Variants in NBEA observed in about 807,000 individuals in gnomAD.
NBEA encodes the protein lysosomal-trafficking regulator 2.
Under a neutral mutation model 343.4 loss-of-function variants are expected in NBEA, and 44 were observed. The observed-to-expected ratio is 0.13, with a 90% CI of 0.10 to 0.16. The LOEUF (loss-of-function observed/expected upper bound fraction) is 0.16. Among genes scored for constraint, NBEA ranks in the 10% least tolerant of loss-of-function variants. The probability of loss-of-function intolerance (pLI) is 1.00; values close to 1 mark genes in which losing one functional copy is unlikely to be tolerated. For missense variants in NBEA, 2,555 were observed against 3,631.3 expected (o/e 0.70, Z 7.62); for synonymous variants, 1,175 against 1,238.7 (o/e 0.95, Z 1.08).
intron 39 of NBEA, among the ~76,000 whole-genome samples, chr13:35,442,351 C>A (rs1051361656): frequency 2.5e-4 from 38 of 152,004 alleles, no homozygotes; most frequent in African/African-American, 8.7e-4. Context: ...GTAAAATGTG[C>A]CCTGCGATTT....
At chr13:35,331,742 T>G (rs1002206547) in intron 36 of NBEA, among the ~76,000 whole-genome samples, 3 of 152,048 alleles carry the variant, frequency 2.0e-5, no homozygotes, top group Non-Finnish European at 2.9e-5. Flanking sequence ...TTCTTTTTTC[T>G]GGTATTCATG....
At chr13:35,409,476 G>C (rs1261755754) in intron 38 of NBEA, among the ~76,000 whole-genome samples, 1 of 151,908 alleles carries the variant, frequency 6.6e-6, no homozygotes, top group African/African-American at 2.4e-5. Flanking sequence ...ACCTGCACAA[G>C]TACCCCTGAA....
chr13:35,059,891 A>T (rs1397355843), intron 8 of NBEA, among the ~76,000 whole-genome samples: 1 of 151,780 alleles, frequency 6.6e-6, no homozygotes, highest in Non-Finnish European at 1.5e-5. Flanking sequence ...TCAAGGTAAC[A>T]ATACTTGCTA....
At chr13:35,155,940 A>C (rs914435007) in intron 19 of NBEA, 85 bp downstream of exon 19, 32 of 1,499,438 alleles carry the variant, frequency 2.1e-5, no homozygotes, top group Non-Finnish European at 5.5e-6. Context: ...TAACCCCTTA[A>C]ATCATTATGG....
At chr13:35,160,609 A>C (rs1454281816) in intron 22 of NBEA, among the ~76,000 whole-genome samples, 1 of 152,160 alleles carries the variant, frequency 6.6e-6, no homozygotes, top group African/African-American at 2.4e-5. Context: ...AATATGGCTG[A>C]GAAAAATTAG....
intron 38 of NBEA, among the ~76,000 whole-genome samples, chr13:35,370,097 G>A (rs887750054): frequency 7.9e-5 from 12 of 151,864 alleles, no homozygotes; most frequent in Middle Eastern, 3.2e-3. Flanking sequence ...TTAATTTTCT[G>A]TCTAGATGAT....
At chr13:35,173,344 A>T in intron 26 of NBEA, 120 bp from the exon 27 acceptor site, 2 of 844,422 alleles carry the variant, frequency 2.4e-6, no homozygotes, top group Non-Finnish European at 3.4e-6. Context: ...AGTTGATTTT[A>T]AGATTAATAG....
rs752662674 is a variant in NBEA at position 35,171,358 on chromosome 13, T to G, written c.4329T>G (p.Asp1443Glu). The G allele has an allele frequency of 3.2e-5, 51 of 1,612,060 alleles. No homozygotes were observed. The highest frequency in any genetic ancestry group is 4.3e-5 in the Non-Finnish European group (51 of 1,178,500). The part of the protein sequence containing the change: ...TFLSRLMAMV[D>E]VLVFASSLNF... The stretch of plus-strand genomic sequence containing the variant: ...TCAGCCGGCTGATGGCTATGGTTGA[T>G]GTACTTGTGTTTGCAAGCTCTCTAA... Residue 1443 changes from aspartate to glutamate, a missense_variant, in exon 26 of 59, where the codon GAT (aspartate) becomes GAG (glutamate). By Grantham distance (45) the Asp-to-Glu change is conservative. Transcript: ENST00000379939.
At chr13:35,087,639 C>T (rs1173751109) in intron 10 of NBEA, among the ~76,000 whole-genome samples, 1 of 151,830 alleles carries the variant, frequency 6.6e-6, no homozygotes, top group Non-Finnish European at 1.5e-5. Context: ...AAATCATGAA[C>T]AGCTTCAGAA....
chr13:35,157,956 A>G (rs922696435), intron 21 of NBEA, among the ~76,000 whole-genome samples: 12 of 152,112 alleles, frequency 7.9e-5, no homozygotes, highest in African/African-American at 2.9e-4. Flanking sequence ...CACGAGTTAG[A>G]AAAAAATGTT....
At chr13:35,333,641 TTCTA>T (rs964784531) in intron 36 of NBEA, among the ~76,000 whole-genome samples, 4 of 152,128 alleles carry the variant, frequency 2.6e-5, no homozygotes, top group African/African-American at 9.6e-5. Flanking sequence ...TATTCATTCT[TTCTA>T]ATTAATTTTT....
chr13:34,976,066 C>T (rs913765082), intron 1 of NBEA, among the ~76,000 whole-genome samples: 4 of 152,182 alleles, frequency 2.6e-5, no homozygotes, highest in African/African-American at 9.7e-5. Context: ...AGCAATCCCA[C>T]TACTACGTAT....
At chr13:35,413,974 C>T (rs1375306555) in intron 38 of NBEA, among the ~76,000 whole-genome samples, 1 of 152,096 alleles carries the variant, frequency 6.6e-6, no homozygotes, top group African/African-American at 2.4e-5. Context: ...AAACAGACTT[C>T]GGTGTAGCAT....
intron 47 of NBEA, among the ~76,000 whole-genome samples, chr13:35,594,132 AT>A (rs920579303): frequency 6.6e-6 from 1 of 151,930 alleles, no homozygotes; most frequent in Non-Finnish European, 1.5e-5. Flanking sequence ...CATTTGTCTC[AT>A]TTTTTTTCCT....
At chr13:35,382,254 T>A (rs964344206) in intron 38 of NBEA, among the ~76,000 whole-genome samples, 1 of 152,198 alleles carries the variant, frequency 6.6e-6, no homozygotes, top group African/African-American at 2.4e-5. Context: ...TTTATCCCTT[T>A]AGCCCAGCAC....
chr13:35,281,994 G>A (rs2035083543), intron 34 of NBEA, among the ~76,000 whole-genome samples: 2 of 151,972 alleles, frequency 1.3e-5, no homozygotes, highest in Middle Eastern at 3.4e-3. Flanking sequence ...CCCACTGCAA[G>A]CTCCACCTTC....
intron 48 of NBEA, among the ~76,000 whole-genome samples, chr13:35,613,663 C>T (rs927465662): frequency 6.6e-6 from 1 of 152,020 alleles, no homozygotes; most frequent in Non-Finnish European, 1.5e-5. Flanking sequence ...CACTCTTGCC[C>T]AGACTGAAGT....
At chr13:35,581,627 G>A (rs1196549623) in intron 45 of NBEA, among the ~76,000 whole-genome samples, 25 of 149,702 alleles carry the variant, frequency 1.7e-4, no homozygotes, top group Non-Finnish European at 3.0e-4. Context: ...GTAAACTATC[G>A]CAAGGAGAAA....
intron 34 of NBEA, among the ~76,000 whole-genome samples, chr13:35,288,586 A>G (rs994449730): frequency 5.9e-5 from 9 of 151,942 alleles, no homozygotes; most frequent in African/African-American, 2.2e-4. Flanking sequence ...TGATGGAATG[A>G]TGGTATTTGT....
Sources: gnomAD v4.1 joint callset for allele counts (sites outside exome capture counted in the v4.1 genomes callset) on GRCh38, gnomAD v4.1.1 for gene constraint, MANE v1.5 for transcripts, NCBI Gene and HGNC (gene_info 2026-07-23, HGNC 2026-07-21) for gene names.